The following ARHGAP6 variants were observed in gnomAD, a reference collection of about 807,000 sequenced individuals.
ARHGAP6 encodes rho GTPase-activating protein 6.
Under a neutral mutation model 55.7 loss-of-function variants are expected in ARHGAP6, and 16 were observed. The observed-to-expected ratio is 0.29, with a 90% CI of 0.19 to 0.44. The LOEUF is 0.44. Among genes scored for constraint, ARHGAP6 ranks in the 20% least tolerant of loss-of-function variants. The probability of loss-of-function intolerance (pLI) is 1.00; values close to 1 mark genes in which losing one functional copy is unlikely to be tolerated. For synonymous variants in ARHGAP6, 382 were observed against 360.9 expected (o/e 1.06, Z -0.66); for missense variants, 698 against 808.9 (o/e 0.86, Z 1.66).
chrX:11,602,839 G>C (rs2051993270), intron 1 of ARHGAP6, among the ~76,000 whole-genome samples: 1 of 112,281 alleles, frequency 8.9e-6, no homozygotes, highest in Non-Finnish European at 1.9e-5. Flanking sequence ...CTGGAAATCA[G>C]GGCACTTACA....
At chrX:11,642,490 G>A (rs1401046850) in intron 1 of ARHGAP6, among the ~76,000 whole-genome samples, 2 of 111,746 alleles carry the variant, frequency 1.8e-5, no homozygotes, top group Non-Finnish European at 3.8e-5. Context: ...GCACAAGAAT[G>A]TTCATAGCAG....
intron 1 of ARHGAP6, among the ~76,000 whole-genome samples, chrX:11,258,583 G>A (rs2047520358): frequency 8.9e-6 from 1 of 111,823 alleles, no homozygotes; most frequent in South Asian, 3.7e-4. Context: ...AATTAAAACA[G>A]TTCCAACACA....
intron 1 of ARHGAP6, among the ~76,000 whole-genome samples, chrX:11,640,580 G>A (rs1437980063): frequency 1.8e-5 from 2 of 111,576 alleles, no homozygotes; most frequent in Non-Finnish European, 3.8e-5. Flanking sequence ...CTTGCTTTCT[G>A]GTTTTGCTGC....
chrX:11,398,384 A>G (rs965992290), intron 1 of ARHGAP6, among the ~76,000 whole-genome samples: 1 of 110,108 alleles, frequency 9.1e-6, no homozygotes. Context: ...TCTCAGTTTG[A>G]TTTTTCCTTA....
At chrX:11,655,313 C>G (rs367959070) in intron 1 of ARHGAP6, among the ~76,000 whole-genome samples, 1 of 111,954 alleles carries the variant, frequency 8.9e-6, no homozygotes. Context: ...TTGTTTCTAC[C>G]ATTTGGCTAT....
chrX:11,623,195 C>G (rs2052250776), intron 1 of ARHGAP6, among the ~76,000 whole-genome samples: 1 of 111,307 alleles, frequency 9.0e-6, no homozygotes, highest in Non-Finnish European at 1.9e-5. Context: ...CCTAAAGACT[C>G]TGCCAAAAAA....
intron 1 of ARHGAP6, among the ~76,000 whole-genome samples, chrX:11,430,412 G>A (rs1478975047): frequency 8.9e-6 from 1 of 112,094 alleles, no homozygotes; most frequent in Admixed American, 9.4e-5. Context: ...GTGAGATTGG[G>A]CAAAGCACCT....
chrX:11,254,732 A>C, intron 1 of ARHGAP6, 25 bp from the exon 2 acceptor site: 3 of 1,141,100 alleles, frequency 2.6e-6, no homozygotes, highest in Non-Finnish European at 3.5e-6. Flanking sequence ...AAAAAAAAAA[A>C]AAAAAATCAA....
At chrX:11,477,294 AAG>A (rs940265561) in intron 1 of ARHGAP6, among the ~76,000 whole-genome samples, 1 of 111,828 alleles carries the variant, frequency 8.9e-6, no homozygotes, top group African/African-American at 3.2e-5. Flanking sequence ...GAATTAAAAC[AAG>A]AGATACCACT....
At chrX:11,528,245 C>T (rs1158561605) in intron 1 of ARHGAP6, among the ~76,000 whole-genome samples, 2 of 112,131 alleles carry the variant, frequency 1.8e-5, no homozygotes, top group Non-Finnish European at 3.8e-5. Context: ...TCAACTTAAA[C>T]TACACTGAGC....
intron 1 of ARHGAP6, among the ~76,000 whole-genome samples, chrX:11,373,931 T>C (rs2147712897): frequency 8.9e-6 from 1 of 112,311 alleles, no homozygotes; most frequent in African/African-American, 3.2e-5. Context: ...ACCATTCTGA[T>C]TAATATTTCA....
chrX:11,554,545 A>G (rs2051302133), intron 1 of ARHGAP6, among the ~76,000 whole-genome samples: 1 of 112,342 alleles, frequency 8.9e-6, no homozygotes, highest in African/African-American at 3.2e-5. Context: ...GTAACAAAAT[A>G]TGACATGTAC....
At chrX:11,254,786 T>C (rs2047472371) in intron 1 of ARHGAP6, 79 bp from the exon 2 acceptor site, 2 of 1,018,576 alleles carry the variant, frequency 2.0e-6, no homozygotes, top group Non-Finnish European at 2.5e-6. Context: ...CATCCTCTCT[T>C]AGTAATAAAG....
chrX:11,355,131 A>AT (rs2048916675), intron 1 of ARHGAP6, among the ~76,000 whole-genome samples: 1 of 111,760 alleles, frequency 8.9e-6, no homozygotes, highest in Admixed American at 9.5e-5. Flanking sequence ...AGCTCAAATG[A>AT]ACTCCAAGTC....
chrX:11,598,874 TG>T (rs1366245990), intron 1 of ARHGAP6, among the ~76,000 whole-genome samples: 55 of 110,906 alleles, frequency 5.0e-4, no homozygotes, highest in African/African-American at 1.7e-3. Context: ...CTGGGCAACA[TG>T]GTAAGACCCC....
chrX:11,562,685 A>AT (rs1344053891), intron 1 of ARHGAP6, among the ~76,000 whole-genome samples: 1 of 110,965 alleles, frequency 9.0e-6, no homozygotes, highest in Non-Finnish European at 1.9e-5. Flanking sequence ...AAGTCTCAAA[A>AT]TAGAGTAGCA....
intron 1 of ARHGAP6, among the ~76,000 whole-genome samples, chrX:11,563,685 C>A (rs890290874): frequency 9.0e-6 from 1 of 110,713 alleles, no homozygotes; most frequent in African/African-American, 3.3e-5. Flanking sequence ...CACATCATAA[C>A]CTAAGTCTAG....
At chrX:11,656,906 T>C (rs1028988445) in intron 1 of ARHGAP6, among the ~76,000 whole-genome samples, 1 of 112,538 alleles carries the variant, frequency 8.9e-6, no homozygotes, top group African/African-American at 3.2e-5. Context: ...ATTAACACTC[T>C]GAAAAAACTA....
chrX:11,265,678 T>C, intron 1 of ARHGAP6: 1 of 860,935 alleles, frequency 1.2e-6, no homozygotes, highest in African/African-American at 2.2e-5. Flanking sequence ...GATATTTATA[T>C]TGCTTACCCA....
Sources: allele counts gnomAD v4.1 joint callset (sites outside exome capture counted in the v4.1 genomes callset), GRCh38; gene constraint gnomAD v4.1.1; transcripts MANE v1.5; gene names NCBI Gene and HGNC (gene_info 2026-07-23, HGNC 2026-07-21).